The following ST8SIA6 variants were observed in gnomAD, a reference collection of about 807,000 sequenced individuals.
ST8SIA6 encodes ST8 alpha-N-acetyl-neuraminide alpha-2,8-sialyltransferase 6.
In ST8SIA6, 39 loss-of-function variants were observed where a neutral mutation model predicts 33.6. The observed-to-expected ratio is 1.16, with a 90% confidence interval of 0.90 to 1.52. ST8SIA6 has a LOEUF of 1.52. ST8SIA6 is among the 40% of genes most tolerant of loss of function. The pLI is 0.00. For missense variants in ST8SIA6, 441 were observed against 443.8 expected (o/e 0.99, Z 0.06); for synonymous variants, 172 against 167.2 (o/e 1.03, Z -0.22).
chr10:17,415,167 C>T (rs1295428961), intron 2 of ST8SIA6, among the ~76,000 whole-genome samples: 3 of 152,178 alleles, frequency 2.0e-5, no homozygotes. Flanking sequence ...CCTTCCTCAA[C>T]AATCTATTCC....
intron 2 of ST8SIA6, among the ~76,000 whole-genome samples, chr10:17,446,853 AG>A (rs1367694497): frequency 7.3e-5 from 11 of 151,552 alleles, no homozygotes; most frequent in Admixed American, 7.2e-4. Flanking sequence ...ACCTGAGGTC[AG>A]GAGTTCAAGA....
intron 2 of ST8SIA6, among the ~76,000 whole-genome samples, chr10:17,423,646 T>C (rs1323412146): frequency 2.6e-5 from 4 of 152,154 alleles, no homozygotes; most frequent in Admixed American, 2.6e-4. Context: ...GAGAATACAA[T>C]AGCAGACAGC....
At chr10:17,422,922 C>T (rs1294789032) in intron 2 of ST8SIA6, among the ~76,000 whole-genome samples, 4 of 152,136 alleles carry the variant, frequency 2.6e-5, no homozygotes, top group Non-Finnish European at 4.4e-5. Context: ...TTGAACAATA[C>T]GTTCTAGATA....
intron 4 of ST8SIA6, among the ~76,000 whole-genome samples, chr10:17,344,478 T>C (rs558477771): frequency 2.0e-5 from 3 of 152,286 alleles, no homozygotes; most frequent in South Asian, 4.1e-4. Context: ...TCGGATCTCA[T>C]GAGACTTACT....
At chr10:17,377,400 C>G (rs1221216064) in intron 3 of ST8SIA6, among the ~76,000 whole-genome samples, 2 of 152,122 alleles carry the variant, frequency 1.3e-5, no homozygotes, top group Non-Finnish European at 2.9e-5. Context: ...ACACGCCTAA[C>G]AGAGATGGTA....
chr10:17,321,195 G>A lies in ST8SIA6; in HGVS notation c.880C>T (p.Gln294Ter), dbSNP rs1847933274. Residue 294 changes from glutamine to a stop codon, truncating the protein, a stop_gained, in exon 8 of 8, where the codon CAA (glutamine) becomes TAA (stop). Coordinates refer to ENST00000377602, the MANE Select transcript of ST8SIA6 (RefSeq NM_001004470.3). LOFTEE classifies it high-confidence loss of function. ...TTGGGATGGAAAAATAGAACCTTTTGTCTTGCTTTAGACTCTTCGAGCGTG... is the reference window on the plus strand; with the variant it reads ...TTGGGATGGAAAAATAGAACCTTTTATCTTGCTTTAGACTCTTCGAGCGTG... ...YYTLEESKAR[Q>*]KVLFFHPKYL... The A allele has an allele frequency of 1.9e-6, 3 of 1,613,922 alleles. No individual in the cohort carries two copies. Among genetic ancestry groups the A allele is most frequent in the Admixed American group, 3.3e-5 (2 of 59,984 alleles).
chr10:17,391,378 C>T (rs1850604889), intron 2 of ST8SIA6, among the ~76,000 whole-genome samples: 1 of 152,092 alleles, frequency 6.6e-6, no homozygotes, highest in East Asian at 1.9e-4. Flanking sequence ...TCTCCTGCCT[C>T]AGCCTCCCGA....
intron 3 of ST8SIA6, among the ~76,000 whole-genome samples, chr10:17,384,677 A>C (rs896636530): frequency 3.3e-5 from 5 of 152,180 alleles, no homozygotes; most frequent in African/African-American, 1.2e-4. Flanking sequence ...GAGTCACTAA[A>C]ATCTAAGCTG....
chr10:17,438,529 C>T (rs1440994261), intron 2 of ST8SIA6, among the ~76,000 whole-genome samples: 2 of 152,112 alleles, frequency 1.3e-5, no homozygotes, highest in African/African-American at 4.8e-5. Context: ...ACACATATCT[C>T]AATTGGTATC....
intron 2 of ST8SIA6, among the ~76,000 whole-genome samples, chr10:17,422,169 TAA>T (rs913887034): frequency 1.3e-5 from 2 of 152,108 alleles, no homozygotes; most frequent in Non-Finnish European, 2.9e-5. Context: ...TTAATCACGC[TAA>T]AAGAGAAAAA....
chr10:17,445,299 A>C (rs539220190), intron 2 of ST8SIA6, among the ~76,000 whole-genome samples: 2 of 152,216 alleles, frequency 1.3e-5, no homozygotes, highest in African/African-American at 4.8e-5. Context: ...GACTATTTAC[A>C]TTCTTACGAA....
chr10:17,405,865 A>G (rs1261469516), intron 2 of ST8SIA6, among the ~76,000 whole-genome samples: 4 of 149,648 alleles, frequency 2.7e-5, no homozygotes, highest in Admixed American at 6.7e-5. Context: ...AGCCTGGGCA[A>G]GAGAGCAAGA....
At chr10:17,390,319 C>A (rs1251891323) in intron 3 of ST8SIA6, among the ~76,000 whole-genome samples, 1 of 152,090 alleles carries the variant, frequency 6.6e-6, no homozygotes, top group East Asian at 1.9e-4. Flanking sequence ...GATCCAGGGA[C>A]AAATAAGTTG....
chr10:17,392,244 G>T (rs547636981), intron 2 of ST8SIA6, among the ~76,000 whole-genome samples: 130 of 152,342 alleles, frequency 8.5e-4, no homozygotes, highest in African/African-American at 2.5e-3. Context: ...AGAGTAGGTG[G>T]CTCAGAAGAG....
chr10:17,436,658 T>C (rs529862364), intron 2 of ST8SIA6, among the ~76,000 whole-genome samples: 87 of 151,864 alleles, frequency 5.7e-4, no homozygotes, highest in African/African-American at 2.1e-3. Context: ...TTGCTGAGAA[T>C]GATGGTTTCC....
At chr10:17,397,486 C>T (rs1233873611) in intron 2 of ST8SIA6, among the ~76,000 whole-genome samples, 2 of 152,084 alleles carry the variant, frequency 1.3e-5, no homozygotes, top group African/African-American at 2.4e-5. Flanking sequence ...CCGCCCGCCT[C>T]GGCCTCCCAA....
intron 2 of ST8SIA6, among the ~76,000 whole-genome samples, chr10:17,435,225 A>G (rs866088920): frequency 3.3e-5 from 5 of 152,170 alleles, no homozygotes; most frequent in Admixed American, 6.5e-5. Context: ...GCCAAATTCT[A>G]TCACTTCCAG....
At chr10:17,372,780 T>C (rs1849777959) in intron 3 of ST8SIA6, among the ~76,000 whole-genome samples, 1 of 152,236 alleles carries the variant, frequency 6.6e-6, no homozygotes, top group Admixed American at 6.5e-5. Flanking sequence ...AAACATTCAT[T>C]ATTGCACAGA....
chr10:17,398,795 C>T (rs1454453461), intron 2 of ST8SIA6, among the ~76,000 whole-genome samples: 1 of 152,120 alleles, frequency 6.6e-6, no homozygotes, highest in Non-Finnish European at 1.5e-5. Flanking sequence ...GCCAGGAGAG[C>T]ACCCTAGCCA....
Sources: gnomAD v4.1 joint callset for allele counts (sites outside exome capture counted in the v4.1 genomes callset) on GRCh38, gnomAD v4.1.1 for gene constraint, MANE v1.5 for transcripts, NCBI Gene and HGNC (gene_info 2026-07-23, HGNC 2026-07-21) for gene names.